Variants in SNAPC4 observed in about 807,000 individuals in gnomAD.
SNAPC4 encodes the protein small nuclear RNA activating complex polypeptide 4, also known as snRNA-activating protein complex subunit 4.
A neutral mutation model predicts 151.3 loss-of-function variants in SNAPC4; 127 were observed. The observed-to-expected ratio is 0.84, with a 90% CI of 0.73 to 0.97. The LOEUF is 0.97. Among genes scored for constraint, SNAPC4 ranks in the 50% least tolerant of loss-of-function variants. SNAPC4 has a pLI of 0.00. For synonymous variants in SNAPC4, 1,002 were observed against 824.4 expected (o/e 1.22, Z -3.69); for missense variants, 2,186 against 1,935.0 (o/e 1.13, Z -2.43).
rs73670251 is a variant in SNAPC4, at chr9:136,395,938, T to C, written c.178-168A>G. ...CCCTGGTGGGCAGCGGGAGGGCGTC[T>C]GAGTTTGGGAGTGGAGCCTGTCACT... On this transcript the variant is annotated intron_variant, in intron 3 of 23. Transcript: ENST00000684778. Among the ~76,000 whole-genome samples, 1,091 of 152,318 alleles carry C rather than the reference T, an allele frequency of 7.2e-3. 22 individuals carry two copies. The highest frequency in any genetic ancestry group is 0.025 in the African/African-American group (1,037 of 41,562).
intron 10 of SNAPC4, 97 bp downstream of exon 10, chr9:136,391,845 G>A (rs961409012): frequency 5.3e-6 from 7 of 1,327,328 alleles, no homozygotes; most frequent in African/African-American, 2.9e-5. Flanking sequence ...GGCGGTGAGT[G>A]AGCACTGGGG....
Position 136,379,032 on chromosome 9 carries a change from G to A in SNAPC4, c.2795C>T (p.Pro932Leu), listed in dbSNP as rs1446539151. 3 of 1,598,322 alleles carry A rather than the reference G, an allele frequency of 1.9e-6. No individual in the cohort carries two copies. ...LVSSSVILQP[P>L]LPHTPHGRPA... ...GCGGCCGTGTGGGGTGTGTGGTAGA[G>A]GGGGCTGGAGGATCACAGACGAGGA... is the stretch of plus-strand genomic sequence containing the variant. The change falls in exon 22 of 24, where the codon CCT (proline) becomes CTT (leucine). Residue 932 changes from proline (P) to leucine (L), a missense_variant. Transcript: ENST00000684778.
Position 136,387,503 on chromosome 9 carries a change from T to C in SNAPC4, c.1307A>G (p.Asp436Gly), listed in dbSNP as rs1479825724. 2.5e-6 allele frequency: 4 copies of C among 1,613,474 alleles called. No individual in the cohort carries two copies. The highest frequency in any genetic ancestry group is 3.3e-5 in the Admixed American group (2 of 60,030). ...KIREEVPGRS[D>G]AQCRDRYLRR... ...GACTCACCGATCTCGGCACTGGGCATCGCTCCTACCTGGCACCTCTTCCCG... is the reference window on the plus strand; with the variant it reads ...GACTCACCGATCTCGGCACTGGGCACCGCTCCTACCTGGCACCTCTTCCCG... The change falls in exon 13 of 24, where the codon GAT (aspartate) becomes GGT (glycine). Residue 436 changes from aspartate (D) to glycine (G), a missense_variant. Transcript: ENST00000684778.
At position 136,381,842 on chromosome 9, in the gene SNAPC4, C is replaced by T. The variant is rs1460214752; in HGVS notation, c.2299G>A (p.Ala767Thr). 3.1e-6 allele frequency: 5 copies of T among 1,609,476 alleles called. No individual in the cohort carries two copies. Among genetic ancestry groups the T allele is most frequent in the African/African-American group, 2.7e-5 (2 of 74,916 alleles). ...VPCTQASQRP[A>T]VVQTQADGLR... ...GCCATACCTTGAGTCTGCACTACGG[C>T]GGGTCTCTGGGAAGCCTGTGTGCAG... Residue 767 changes from alanine to threonine, a missense_variant, in exon 18 of 24, where the codon GCC becomes ACC. Transcript: ENST00000684778.
rs771162806 is a variant in SNAPC4 at position 136,377,639 on chromosome 9, C to T, written c.4188G>A (p.Val1396=). Residue 1396 remains valine (V), a synonymous_variant, in exon 22 of 24, where the codon GTG becomes GTA. Coordinates refer to ENST00000684778, the MANE Select transcript of SNAPC4 (RefSeq NM_003086.4). The stretch of plus-strand genomic sequence containing the variant: ...GGTCTTCATCCTCACTCTCAGAGCC[C>T]ACCCTCGAAGGTACTGAGAGGGTGG... ...VRTTLSVPSR[V]GSESEDEDLL... 1.1e-5 allele frequency: 17 copies of T among 1,585,628 alleles called. No individual in the cohort carries two copies. In the South Asian group the frequency reaches 1.8e-4, roughly 17 times the overall value.
In SNAPC4 at chr9:136,395,244, A is replaced by G. The variant is rs906928316; in HGVS notation, c.471+54T>C. On this transcript the variant is annotated intron_variant, in intron 5 of 23. Coordinates refer to ENST00000684778, the MANE Select transcript of SNAPC4 (RefSeq NM_003086.4). ...CCTGCAGCAGGACTTGGGGACAAGAACCCTTCCCACGGTGCAGAGCCTTGC... is the reference window on the plus strand; with the variant it reads ...CCTGCAGCAGGACTTGGGGACAAGAGCCCTTCCCACGGTGCAGAGCCTTGC... 6 of 1,575,806 alleles carry G rather than the reference A, an allele frequency of 3.8e-6. No homozygotes were observed. In the African/African-American group the frequency reaches 8.1e-5, roughly 21 times the overall value.
intron 11 of SNAPC4, among the ~76,000 whole-genome samples, chr9:136,388,158 T>C (rs1291756504): frequency 1.3e-5 from 2 of 151,828 alleles, no homozygotes; most frequent in East Asian, 3.9e-4. Flanking sequence ...TCCCAGCTAC[T>C]TGGGAGGCTG....
intron 4 of SNAPC4, 88 bp downstream of exon 4, chr9:136,395,515 C>A: frequency 6.4e-7 from 1 of 1,562,432 alleles, no homozygotes; most frequent in Non-Finnish European, 8.7e-7. Flanking sequence ...AGGCAGGGAG[C>A]TGGGGAGCCC....
At chr9:136,381,779 C>T (rs576219595) in intron 18 of SNAPC4, 45 bp downstream of exon 18, 2 of 1,580,408 alleles carry the variant, frequency 1.3e-6, no homozygotes, top group East Asian at 2.2e-5. Flanking sequence ...TCTTCATCCT[C>T]ACCCCTCGCC....
intron 21 of SNAPC4, among the ~76,000 whole-genome samples, 176 bp from the exon 22 acceptor site, chr9:136,379,475 A>G (rs578249877): frequency 6.6e-6 from 1 of 152,300 alleles, no homozygotes; most frequent in East Asian, 1.9e-4. Flanking sequence ...CCCAGATGGC[A>G]ATGCTCCGGC....
Position 136,380,765 on chromosome 9 carries a change from C to T in SNAPC4, c.2474G>A (p.Arg825Gln), listed in dbSNP as rs370625248. Residue 825 changes from arginine to glutamine, a missense_variant, in exon 20 of 24, where the codon CGG becomes CAG. Coordinates refer to ENST00000684778, the MANE Select transcript of SNAPC4 (RefSeq NM_003086.4). ...CTGCAGAAGATGAACTGGTGGGTCC[C>T]GAGCACCAGCCTGGGGCAGCCTGGG... Reference protein sequence around the residue: ...LPPRLPQAGARDPPVHLLQAS... With the variant: ...LPPRLPQAGAQDPPVHLLQAS... 35 of 1,608,192 alleles carry T rather than the reference C, an allele frequency of 2.2e-5. No homozygotes were observed. Among genetic ancestry groups the T allele is most frequent in the Middle Eastern group, 3.3e-4 (2 of 6,074 alleles).
Position 136,379,058 on chromosome 9 carries a change from G to C in SNAPC4, c.2769C>G (p.Val923=), listed in dbSNP as rs1189843235. 6.3e-7 allele frequency: 1 copy of C among 1,587,894 alleles called. No homozygotes were observed. Among genetic ancestry groups the C allele is most frequent in the African/African-American group, 1.3e-5 (1 of 74,750 alleles). Reference sequence around the variant, plus strand: ...GGGGCTGGAGGATCACAGACGAGGAGACCAGCAGCTGGGACGGGAGCACCA... The same window carrying C: ...GGGGCTGGAGGATCACAGACGAGGACACCAGCAGCTGGGACGGGAGCACCA... ...GPVVLPSQLL[V]SSSVILQPPL... The change falls in exon 22 of 24, where the codon GTC becomes GTG. Residue 923 remains valine, a synonymous_variant. Coordinates refer to ENST00000684778, the MANE Select transcript of SNAPC4 (RefSeq NM_003086.4).
chr9:136,382,229 G>T (rs773620571), intron 17 of SNAPC4, 24 bp downstream of exon 17: 2 of 1,610,074 alleles, frequency 1.2e-6, no homozygotes, highest in Non-Finnish European at 1.7e-6. Context: ...TGGCGTGCGC[G>T]TGGGTGTCTG....
In SNAPC4 at chr9:136,383,459, G is replaced by T; in HGVS notation, c.1710C>A (p.Asp570Glu). Residue 570 changes from aspartate to glutamate, a missense_variant, in exon 16 of 24, where the codon GAC becomes GAA. Physicochemically the swap from Asp to Glu is conservative, Grantham distance 45 (BLOSUM62 2). Transcript: ENST00000684778. This position sits in a 1 kb window ranked among gnomAD's most constrained non-coding sequence, Gnocchi z 4.2. ...TGCTCTGCCTGGCAGGAACCCACAG[G>T]TCCATGTCCGGGACCATGTACTGTG... ...LSPQYMVPDM[D>E]LWVPARQSTS... 2 of 1,562,304 alleles carry T rather than the reference G, an allele frequency of 1.3e-6. No homozygotes were observed. The highest frequency in any genetic ancestry group is 8.7e-7 in the Non-Finnish European group (1 of 1,153,478).
intron 12 of SNAPC4, 32 bp downstream of exon 12, chr9:136,387,710 A>T: frequency 2.7e-6 from 4 of 1,464,206 alleles, no homozygotes; most frequent in Non-Finnish European, 3.8e-6. Flanking sequence ...ACCTTCCCAG[A>T]GCCCAGTTCT....
chr9:136,396,254 G>A (rs191916161), intron 3 of SNAPC4, among the ~76,000 whole-genome samples: 3 of 152,326 alleles, frequency 2.0e-5, no homozygotes, highest in Admixed American at 2.0e-4. Context: ...ACTCACAGAA[G>A]GTGAACCACA....
chr9:136,383,877 C>A lies in SNAPC4; in HGVS notation c.1500+76G>T, dbSNP rs1027746910. The A allele has an allele frequency of 1.4e-6, 2 of 1,423,150 alleles. No homozygotes were observed. Among genetic ancestry groups the A allele is most frequent in the Non-Finnish European group, 2.0e-6 (2 of 1,012,024 alleles). 88.2% of individuals were successfully genotyped at this position (1,423,150 alleles called of 1,614,324 possible). ...AAACCGAACGCCCCCCTCCCCTCCC[C>A]TCCTCCTGCCTGCTGGACCCCCCAG... On this transcript the variant is annotated intron_variant, in intron 15 of 23. Coordinates refer to ENST00000684778, the MANE Select transcript of SNAPC4 (RefSeq NM_003086.4). This position sits in a 1 kb window ranked among gnomAD's most constrained non-coding sequence, Gnocchi z 4.2.
At chr9:136,377,115 G>A (rs1327754136) in intron 22 of SNAPC4, among the ~76,000 whole-genome samples, 1 of 152,028 alleles carries the variant, frequency 6.6e-6, no homozygotes, top group East Asian at 1.9e-4. Context: ...TGACAGCAGA[G>A]AGGGACCTTT....
In SNAPC4 at chr9:136,375,716, C is replaced by T. The variant is rs1362620121; in HGVS notation, c.*92G>A. On this transcript the variant is annotated 3_prime_UTR_variant, in exon 24 of 24. Transcript: ENST00000684778. ...CTGGTCAGTCAGCGGCCAGCAGATA[C>T]CTGGCCTCTGGCTGCCTCTCTTGCA... 1 of 152,386 alleles carries T rather than the reference C, an allele frequency of 6.6e-6. No homozygotes were observed. The highest frequency in any genetic ancestry group is 1.5e-5 in the Non-Finnish European group (1 of 68,138). 9.4% of individuals were successfully genotyped at this position (152,386 alleles called of 1,614,324 possible).
Sources: allele counts gnomAD v4.1 joint callset (sites outside exome capture counted in the v4.1 genomes callset), GRCh38; gene constraint gnomAD v4.1.1; non-coding constraint Gnocchi (gnomAD v3.1); transcripts MANE v1.5; gene names NCBI Gene and HGNC (gene_info 2026-07-23, HGNC 2026-07-21).